The following NALF1 variants were observed in gnomAD, a reference collection of about 807,000 sequenced individuals.
NALF1 encodes the protein NALCN channel auxiliary factor 1.
NALF1 carries 3 observed loss-of-function variants against 48.4 expected under a neutral mutation model. The observed-to-expected ratio is 0.06, with a 90% CI of 0.03 to 0.16. NALF1 has a LOEUF of 0.16. NALF1 is among the 10% of genes least tolerant of loss of function. The pLI is 1.00. For synonymous variants in NALF1, 262 were observed against 245.7 expected (o/e 1.07, Z -0.62); for missense variants, 526 against 571.5 (o/e 0.92, Z 0.81).
At chr13:107,820,104 C>A in intron 1 of NALF1, among the ~76,000 whole-genome samples, 1 of 152,170 alleles carries the variant, frequency 6.6e-6, no homozygotes, top group South Asian at 2.1e-4. Context: ...CTTCTTTCTG[C>A]AGGAAGAAGT....
intron 1 of NALF1, among the ~76,000 whole-genome samples, chr13:107,353,666 C>T (rs972811086): frequency 1.3e-5 from 2 of 152,156 alleles, no homozygotes; most frequent in African/African-American, 2.4e-5. Context: ...CCAATGAGGA[C>T]ATGTGGCTGA....
chr13:107,418,282 A>T (rs150343997), intron 1 of NALF1, among the ~76,000 whole-genome samples: 8 of 152,178 alleles, frequency 5.3e-5, no homozygotes, highest in Non-Finnish European at 4.4e-5. Flanking sequence ...CCCTGGAGTA[A>T]TCCCCTCCCC....
chr13:107,618,358 G>C (rs1387979408), intron 1 of NALF1, among the ~76,000 whole-genome samples: 1 of 152,194 alleles, frequency 6.6e-6, no homozygotes, highest in Non-Finnish European at 1.5e-5. Flanking sequence ...AGCAAAGGGA[G>C]GAGGTTGAAG....
intron 1 of NALF1, among the ~76,000 whole-genome samples, chr13:107,809,663 A>G (rs1352842565): frequency 1.3e-5 from 2 of 152,086 alleles, no homozygotes; most frequent in African/African-American, 4.8e-5. Context: ...AATTTTTGGA[A>G]GACTTATTTT....
intron 1 of NALF1, among the ~76,000 whole-genome samples, chr13:107,411,495 T>C (rs1883991220): frequency 1.3e-5 from 2 of 152,054 alleles, no homozygotes; most frequent in South Asian, 4.2e-4. Context: ...TTAAACTGAC[T>C]TGAAATCATG....
chr13:107,467,406 C>A lies in NALF1; in HGVS notation c.916-256651G>T, dbSNP rs373069911. Among the ~76,000 whole-genome samples, 10 of 151,488 alleles carry A rather than the reference C, an allele frequency of 6.6e-5. No individual in the cohort carries two copies. The South Asian group carries it at 2.1e-3, about 32-fold the overall frequency. On this transcript the variant is annotated intron_variant, in intron 1 of 2. Coordinates refer to ENST00000375915, the MANE Select transcript of NALF1 (RefSeq NM_001080396.3). Reference sequence around the variant, plus strand: ...AACCTTAATTTCATGGTTAAAAAAACAGTTCCCCAGAATAATTACCACTAC... The same window carrying A: ...AACCTTAATTTCATGGTTAAAAAAAAAGTTCCCCAGAATAATTACCACTAC...
Position 107,742,890 on chromosome 13 carries a change from T to A in NALF1, c.915+122792A>T, listed in dbSNP as rs1422407716. ...ATAAATGACACCATGCTAAGAATTGTGGATGCTACGGAGAATGTAGAGATA... is the reference window on the plus strand; with the variant it reads ...ATAAATGACACCATGCTAAGAATTGAGGATGCTACGGAGAATGTAGAGATA... On this transcript the variant is annotated intron_variant, in intron 1 of 2. Coordinates refer to ENST00000375915, the MANE Select transcript of NALF1 (RefSeq NM_001080396.3). Among the ~76,000 whole-genome samples the A allele has an allele frequency of 2.6e-5, 4 of 152,200 alleles. No homozygotes were observed. The East Asian group carries it at 7.7e-4, about 29-fold the overall frequency.
At chr13:107,421,759 T>C (rs1389808819) in intron 1 of NALF1, among the ~76,000 whole-genome samples, 1 of 152,182 alleles carries the variant, frequency 6.6e-6, no homozygotes, top group African/African-American at 2.4e-5. Flanking sequence ...TCAGTAAGTG[T>C]CACAGAAAGC....
intron 1 of NALF1, among the ~76,000 whole-genome samples, chr13:107,408,627 C>A (rs1299718725): frequency 1.3e-5 from 2 of 152,042 alleles, no homozygotes; most frequent in Non-Finnish European, 1.5e-5. Flanking sequence ...ATTCTTCATG[C>A]CTCCTGGGTT....
intron 2 of NALF1, among the ~76,000 whole-genome samples, chr13:107,202,264 C>T (rs9888533): frequency 0.46 from 70,298 of 151,266 alleles, 17,011 homozygotes; most frequent in Non-Finnish European, 0.54. Context: ...TAAGGTATTT[C>T]TTACTTATTA....
chr13:107,611,054 A>G (rs191543183), intron 1 of NALF1, among the ~76,000 whole-genome samples: 17 of 152,364 alleles, frequency 1.1e-4, no homozygotes, highest in Admixed American at 2.6e-4. Context: ...GCTACAGTCT[A>G]GATATCACAA....
At chr13:107,498,561 A>G (rs1164080767) in intron 1 of NALF1, among the ~76,000 whole-genome samples, 1 of 152,164 alleles carries the variant, frequency 6.6e-6, no homozygotes, top group Non-Finnish European at 1.5e-5. Flanking sequence ...CTGTTGATGC[A>G]ATTCGAAAAG....
chr13:107,297,788 G>A (rs1193851361), intron 1 of NALF1, among the ~76,000 whole-genome samples: 1 of 152,114 alleles, frequency 6.6e-6, no homozygotes, highest in Admixed American at 6.5e-5. Flanking sequence ...AAGGCAATAT[G>A]GAGCAGACTA....
At chr13:107,275,859 A>G (rs1260315144) in intron 1 of NALF1, among the ~76,000 whole-genome samples, 2 of 152,300 alleles carry the variant, frequency 1.3e-5, no homozygotes, top group Admixed American at 1.3e-4. Flanking sequence ...CTGAGCCTGC[A>G]GTGTTTAGAC....
chr13:107,257,193 G>C (rs368932854), intron 1 of NALF1, among the ~76,000 whole-genome samples: 1 of 152,126 alleles, frequency 6.6e-6, no homozygotes, highest in African/African-American at 2.4e-5. Context: ...CCATGAGCCA[G>C]TCACCTCCCT....
chr13:107,857,549 C>T lies in NALF1; in HGVS notation c.915+8133G>A, dbSNP rs774642128. 8.5e-5 allele frequency among the ~76,000 whole-genome samples: 13 copies of T among 152,266 alleles called. No homozygotes were observed. In the East Asian group the frequency reaches 1.2e-3, roughly 14 times the overall value. On this transcript the variant is annotated intron_variant, in intron 1 of 2. Coordinates refer to ENST00000375915, the MANE Select transcript of NALF1 (RefSeq NM_001080396.3). Reference sequence around the variant, plus strand: ...CCAAAGTGTTCAAGGCCTTTGGTTACGCACCTATCAGGATCCAGTCAATCT... The same window carrying T: ...CCAAAGTGTTCAAGGCCTTTGGTTATGCACCTATCAGGATCCAGTCAATCT...
At chr13:107,612,596 A>C (rs1348855067) in intron 1 of NALF1, among the ~76,000 whole-genome samples, 5 of 152,082 alleles carry the variant, frequency 3.3e-5, no homozygotes, top group African/African-American at 1.2e-4. Context: ...TCTCAATAGA[A>C]CAGAAAGGCA....
intron 2 of NALF1, among the ~76,000 whole-genome samples, chr13:107,197,819 A>G (rs540795043): frequency 2.6e-5 from 4 of 152,328 alleles, no homozygotes; most frequent in Admixed American, 2.0e-4. Context: ...CCTCATGGAA[A>G]TTTTTATATC....
chr13:107,214,908 C>G (rs189376029), intron 1 of NALF1, among the ~76,000 whole-genome samples: 1 of 152,256 alleles, frequency 6.6e-6, no homozygotes, highest in East Asian at 1.9e-4. Flanking sequence ...AATAAGGAAA[C>G]GTATACAGGG....
Sources: allele counts gnomAD v4.1 joint callset (sites outside exome capture counted in the v4.1 genomes callset), GRCh38; gene constraint gnomAD v4.1.1; transcripts MANE v1.5; gene names NCBI Gene and HGNC (gene_info 2026-07-23, HGNC 2026-07-21).